Variants in BANF2 observed in about 807,000 individuals in gnomAD.
BANF2 encodes the protein BANF family member 2.
Under a neutral mutation model 8.0 loss-of-function variants are expected in BANF2, and 4 were observed. That is an observed-to-expected ratio of 0.50 (90% CI 0.25 to 1.14). The LOEUF (loss-of-function observed/expected upper bound fraction) is 1.14, where lower values mean the gene tolerates loss of function less well. Ranked by LOEUF, BANF2 falls within the 50% of genes most tolerant of loss-of-function variation. The probability of loss-of-function intolerance (pLI) is 0.16; values close to 1 mark genes in which losing one functional copy is unlikely to be tolerated. For missense variants in BANF2, 96 were observed against 107.5 expected, an observed-to-expected ratio of 0.89 and a Z score of 0.47; for synonymous variants, 50 against 40.6, an observed-to-expected ratio of 1.23 and a Z score of -0.88.
At chr20:17,723,995 C>T (rs886925787) in intron 2 of BANF2, among the ~76,000 whole-genome samples, 3 of 152,110 alleles carry the variant, frequency 2.0e-5, no homozygotes, top group African/African-American at 7.2e-5. Flanking sequence ...AACTTCATCA[C>T]AAAAACAAAA....
At chr20:17,720,838 A>G (rs2037717811) in intron 1 of BANF2, among the ~76,000 whole-genome samples, 1 of 152,258 alleles carries the variant, frequency 6.6e-6, no homozygotes, top group African/African-American at 2.4e-5. Flanking sequence ...ATAACATAAA[A>G]AGAGTAAGTG....
chr20:17,727,535 G>C (rs1303081052), intron 3 of BANF2, among the ~76,000 whole-genome samples: 2 of 152,128 alleles, frequency 1.3e-5, no homozygotes, highest in Non-Finnish European at 2.9e-5. Flanking sequence ...GCCTGTATCA[G>C]GGTCTGGAGT....
intron 1 of BANF2, among the ~76,000 whole-genome samples, chr20:17,700,978 G>A (rs2037400192): frequency 6.6e-6 from 1 of 152,196 alleles, no homozygotes; most frequent in African/African-American, 2.4e-5. Context: ...GGGACCCCAT[G>A]ATTTTAAGAA....
chr20:17,729,919 A>G (rs1384056278), intron 3 of BANF2, among the ~76,000 whole-genome samples: 1 of 152,184 alleles, frequency 6.6e-6, no homozygotes, highest in African/African-American at 2.4e-5. Context: ...GAATTTTCAG[A>G]CATCCCCCGA....
chr20:17,717,103 C>T (rs952774357), intron 1 of BANF2, among the ~76,000 whole-genome samples: 18 of 152,046 alleles, frequency 1.2e-4, no homozygotes, highest in Admixed American at 1.1e-3. Context: ...GGTAGAGGTA[C>T]AGGGAGCCAG....
chr20:17,715,398 C>G (rs986503222), intron 1 of BANF2, among the ~76,000 whole-genome samples: 4 of 152,126 alleles, frequency 2.6e-5, no homozygotes, highest in African/African-American at 9.7e-5. Flanking sequence ...CAGTGAATGT[C>G]TGAGGAACTG....
At chr20:17,702,489 T>A (rs1312677524) in intron 1 of BANF2, among the ~76,000 whole-genome samples, 2 of 152,220 alleles carry the variant, frequency 1.3e-5, no homozygotes, top group African/African-American at 4.8e-5. Flanking sequence ...TTTTTTCACA[T>A]CAGGGAGCCC....
intron 3 of BANF2, among the ~76,000 whole-genome samples, chr20:17,732,005 G>A (rs1019220017): frequency 3.3e-5 from 5 of 151,780 alleles, no homozygotes; most frequent in African/African-American, 9.7e-5. Context: ...TGCAGAGGTT[G>A]CAGTGAGCCA....
intron 1 of BANF2, among the ~76,000 whole-genome samples, chr20:17,710,419 G>A (rs984207228): frequency 6.6e-6 from 1 of 152,138 alleles, no homozygotes; most frequent in African/African-American, 2.4e-5. Context: ...CTTAAAATAG[G>A]AACAATTCTC....
At chr20:17,730,002 G>A (rs776382841) in intron 3 of BANF2, among the ~76,000 whole-genome samples, 4 of 152,208 alleles carry the variant, frequency 2.6e-5, no homozygotes, top group Non-Finnish European at 4.4e-5. Context: ...AGTAAGTTTA[G>A]CATTGCAGAG....
rs1000448562 is a variant in BANF2 at position 17,721,367 on chromosome 20, AT to A, written c.-166-1341del. On this transcript the variant is annotated intron_variant, in intron 1 of 3. Coordinates refer to ENST00000246090, the MANE Select transcript of BANF2 (RefSeq NM_178477.5). Reference sequence around the variant, plus strand: ...GAAAAGACCTCTCCTTCATTTGGAAATTTTTTTTCTTTTTCTTTCTTTCTTT... The same window carrying A: ...GAAAAGACCTCTCCTTCATTTGGAAATTTTTTTCTTTTTCTTTCTTTCTTT... Among the ~76,000 whole-genome samples the A allele has an allele frequency of 1.1e-4, 15 of 138,988 alleles. No homozygotes were observed. In the South Asian group the frequency reaches 1.2e-3, roughly 12 times the overall value. 91.2% of individuals were successfully genotyped at this position (138,988 alleles called of 152,430 possible).
In BANF2 at chr20:17,699,992, C is replaced by T. The variant is rs942197308; in HGVS notation, c.-230C>T. 6 of 985,304 alleles carry T rather than the reference C, an allele frequency of 6.1e-6. No individual in the cohort carries two copies. In the African/African-American group the frequency reaches 7.0e-5, roughly 11 times the overall value. 61.0% of individuals were successfully genotyped at this position (985,304 alleles called of 1,614,324 possible). On this transcript the variant is annotated 5_prime_UTR_variant, in exon 1 of 4. Transcript: ENST00000246090. ...AGACATAAGCTGAACCTCTGGCCTG[C>T]AGTTCCAGATCCAAGGTGACTGAGA...
intron 1 of BANF2, among the ~76,000 whole-genome samples, chr20:17,702,500 C>T (rs145861770): frequency 1.4e-3 from 207 of 152,300 alleles, no homozygotes; most frequent in Non-Finnish European, 2.5e-3. Flanking sequence ...CAGGGAGCCC[C>T]AACTGGCAAC....
At chr20:17,712,461 C>T in intron 1 of BANF2, 1 of 911,474 alleles carries the variant, frequency 1.1e-6, no homozygotes, top group Non-Finnish European at 1.3e-6. Flanking sequence ...GTCCCATGCA[C>T]CATTCCCACA....
chr20:17,723,555 A>G (rs2037761861), intron 2 of BANF2, among the ~76,000 whole-genome samples: 1 of 152,216 alleles, frequency 6.6e-6, no homozygotes, highest in South Asian at 2.1e-4. Flanking sequence ...ATTTACACTG[A>G]GTTTTGTGTT....
chr20:17,714,121 C>T (rs778943992), intron 1 of BANF2, among the ~76,000 whole-genome samples: 10 of 139,026 alleles, frequency 7.2e-5, no homozygotes, highest in Non-Finnish European at 1.1e-4. Context: ...TACAAGAACC[C>T]GGGAGGCAGA....
chr20:17,695,743 A>G (rs1195649876), upstream of BANF2, among the ~76,000 whole-genome samples: 1 of 152,180 alleles, frequency 6.6e-6, no homozygotes, highest in Non-Finnish European at 1.5e-5. Flanking sequence ...GAATTTTGAC[A>G]AATGTATACA....
At chr20:17,732,682 C>A (rs1250720258) in intron 3 of BANF2, among the ~76,000 whole-genome samples, 1 of 152,126 alleles carries the variant, frequency 6.6e-6, no homozygotes, top group Non-Finnish European at 1.5e-5. Flanking sequence ...AGCTGCAGGA[C>A]GGAATGTAAT....
Position 17,706,612 on chromosome 20 carries a change from G to A in BANF2, c.-167+6557G>A, listed in dbSNP as rs150511083. Among the ~76,000 whole-genome samples the A allele has an allele frequency of 3.2e-4, 48 of 152,318 alleles. 1 individual carries two copies. Among genetic ancestry groups the A allele is most frequent in the African/African-American group, 1.1e-3 (44 of 41,576 alleles). The stretch of plus-strand genomic sequence containing the variant: ...AATTAGCAAGACACCTAGCCCATCC[G>A]TAGTAGGGGATCCTTAAGTGATGGC... On this transcript the variant is annotated intron_variant, in intron 1 of 3. Transcript: ENST00000246090.
Sources: allele counts gnomAD v4.1 joint callset (sites outside exome capture counted in the v4.1 genomes callset), GRCh38; gene constraint gnomAD v4.1.1; transcripts MANE v1.5; gene names NCBI Gene and HGNC (gene_info 2026-07-23, HGNC 2026-07-21).